Variants in MLIP observed in about 807,000 individuals in gnomAD.
MLIP encodes muscular LMNA interacting protein, also known as muscular LMNA-interacting protein.
In MLIP, 79 loss-of-function variants were observed where a neutral mutation model predicts 84.8. That is an observed-to-expected ratio of 0.93 (90% CI 0.78 to 1.12). The LOEUF is 1.12. Among genes scored for constraint, MLIP ranks in the 50% most tolerant of loss-of-function variants. MLIP has a pLI of 0.00. For synonymous variants in MLIP, 504 were observed against 463.0 expected (o/e 1.09, Z -1.14); for missense variants, 1,257 against 1,160.6 (o/e 1.08, Z -1.21).
intron 1 of MLIP, among the ~76,000 whole-genome samples, chr6:54,085,949 A>G (rs564521181): frequency 1.3e-5 from 2 of 152,328 alleles, no homozygotes; most frequent in South Asian, 4.1e-4. Flanking sequence ...AATTCTGAAG[A>G]AGAAATTTCT....
intron 4 of MLIP, among the ~76,000 whole-genome samples, chr6:54,138,638 A>G (rs1772036961): frequency 6.6e-6 from 1 of 152,154 alleles, no homozygotes; most frequent in Non-Finnish European, 1.5e-5. Flanking sequence ...GGACTATGAT[A>G]TGTTTCTGAT....
chr6:54,213,136 A>G (rs1182071007), intron 11 of MLIP, among the ~76,000 whole-genome samples: 1 of 152,212 alleles, frequency 6.6e-6, no homozygotes, highest in Non-Finnish European at 1.5e-5. Flanking sequence ...TTTGGGGATA[A>G]CTTTTGCCTT....
intron 11 of MLIP, among the ~76,000 whole-genome samples, chr6:54,213,560 G>T (rs561876370): frequency 6.6e-6 from 1 of 151,918 alleles, no homozygotes; most frequent in South Asian, 2.1e-4. Context: ...AAATTAGCCA[G>T]GCATGGTGGT....
chr6:54,234,724 C>G (rs563154652), intron 12 of MLIP, among the ~76,000 whole-genome samples: 4 of 152,298 alleles, frequency 2.6e-5, no homozygotes, highest in African/African-American at 7.2e-5. Context: ...AGCTGAATTT[C>G]CTGACACAGT....
At chr6:54,175,821 G>A (rs1776225755) in intron 9 of MLIP, among the ~76,000 whole-genome samples, 1 of 151,940 alleles carries the variant, frequency 6.6e-6, no homozygotes, top group South Asian at 2.1e-4. Flanking sequence ...GATCTTAAAA[G>A]AAAAGCTTTC....
rs534115132 is a variant in MLIP, at chr6:54,149,993, A to AT, written c.2289+873dup. On this transcript the variant is annotated intron_variant, in intron 5 of 13. Coordinates refer to ENST00000502396, the MANE Select transcript of MLIP (RefSeq NM_001281747.2). ...ATTTATTTCTCAATGCACTAAGTCC[A>AT]TTTTTTTCTGTGTAATTATGGTGTT... is the stretch of plus-strand genomic sequence containing the variant. Among the ~76,000 whole-genome samples the AT allele has an allele frequency of 2.7e-3, 406 of 152,126 alleles. 2 individuals carry two copies. Among genetic ancestry groups the AT allele is most frequent in the Non-Finnish European group, 4.4e-3 (301 of 67,968 alleles).
At chr6:54,035,989 A>AT (rs1316870395) in intron 1 of MLIP, among the ~76,000 whole-genome samples, 7 of 151,646 alleles carry the variant, frequency 4.6e-5, no homozygotes, top group South Asian at 2.1e-4. Flanking sequence ...CCAGTTTACC[A>AT]TTTTTTTTCT....
intron 9 of MLIP, among the ~76,000 whole-genome samples, chr6:54,179,823 G>A (rs1776668859): frequency 6.6e-6 from 1 of 151,944 alleles, no homozygotes; most frequent in Non-Finnish European, 1.5e-5. Flanking sequence ...CTACTTAAAA[G>A]CAGTTTACAT....
At chr6:54,172,932 T>C (rs1162399394) in intron 9 of MLIP, among the ~76,000 whole-genome samples, 1 of 151,812 alleles carries the variant, frequency 6.6e-6, no homozygotes, top group Admixed American at 6.6e-5. Context: ...TGAGATTCTT[T>C]TAAGTGTAAT....
intron 11 of MLIP, among the ~76,000 whole-genome samples, chr6:54,202,501 G>A (rs529294287): frequency 2.3e-4 from 34 of 149,122 alleles, no homozygotes; most frequent in African/African-American, 7.7e-4. Flanking sequence ...TCTATCTAGT[G>A]CTGGTATTGT....
At chr6:54,171,575 G>A (rs12192889) in intron 9 of MLIP, among the ~76,000 whole-genome samples, 1,649 of 151,602 alleles carry the variant, frequency 0.011, 13 homozygotes, top group Non-Finnish European at 0.017. Context: ...ACTAAGTGAT[G>A]TCTGATACAT....
At chr6:54,219,078 C>T (rs1031179411) in intron 11 of MLIP, among the ~76,000 whole-genome samples, 3 of 151,380 alleles carry the variant, frequency 2.0e-5, no homozygotes, top group Admixed American at 6.6e-5. Context: ...TGGTGGCGGG[C>T]GCCTGTAGTC....
intron 9 of MLIP, among the ~76,000 whole-genome samples, chr6:54,176,239 A>G (rs1056626607): frequency 1.3e-5 from 2 of 149,300 alleles, no homozygotes; most frequent in African/African-American, 4.9e-5. Flanking sequence ...TACTGGTCTC[A>G]TTATAGAATG....
intron 13 of MLIP, among the ~76,000 whole-genome samples, 177 bp downstream of exon 13, chr6:54,257,538 T>C (rs902360597): frequency 1.3e-5 from 2 of 152,142 alleles, no homozygotes; most frequent in Non-Finnish European, 2.9e-5. Flanking sequence ...AGTAAATTCT[T>C]GCTGCCTCTC....
At chr6:54,111,895 T>C (rs1472837836) in intron 1 of MLIP, among the ~76,000 whole-genome samples, 3 of 152,118 alleles carry the variant, frequency 2.0e-5, no homozygotes, top group Non-Finnish European at 4.4e-5. Context: ...TAGGGAAATA[T>C]AAGAAAGGAA....
intron 1 of MLIP, among the ~76,000 whole-genome samples, chr6:54,043,178 G>A (rs567136010): frequency 6.6e-6 from 1 of 152,292 alleles, no homozygotes; most frequent in African/African-American, 2.4e-5. Context: ...GTGGGAACAA[G>A]TTCTCCCAAA....
intron 8 of MLIP, among the ~76,000 whole-genome samples, chr6:54,168,621 A>G (rs1444362484): frequency 6.6e-6 from 1 of 151,900 alleles, no homozygotes; most frequent in Non-Finnish European, 1.5e-5. Context: ...TAGATACACA[A>G]ATATGTATTG....
At chr6:54,133,304 G>C (rs1366995110) in intron 3 of MLIP, among the ~76,000 whole-genome samples, 1 of 152,116 alleles carries the variant, frequency 6.6e-6, no homozygotes, top group East Asian at 1.9e-4. Flanking sequence ...AATGTGTTCA[G>C]GTAAGAAAGG....
Position 54,035,293 on chromosome 6 carries a change from C to A in MLIP, c.63+16202C>A, listed in dbSNP as rs937292364. Among the ~76,000 whole-genome samples, 8 of 152,118 alleles carry A rather than the reference C, an allele frequency of 5.3e-5. 1 individual carries two copies. Among genetic ancestry groups the A allele is most frequent in the Non-Finnish European group, 1.2e-4 (8 of 67,994 alleles). ...AGTTAGTCCAAGTTGTGAGGATCCA[C>A]AGTTTCTTTTTGTTTCTGAGTATTA... On this transcript the variant is annotated intron_variant, in intron 1 of 12. Coordinates refer to the MLIP transcript ENST00000274897.
Sources: allele counts gnomAD v4.1 joint callset (sites outside exome capture counted in the v4.1 genomes callset), GRCh38; gene constraint gnomAD v4.1.1; transcripts MANE v1.5; gene names NCBI Gene and HGNC (gene_info 2026-07-23, HGNC 2026-07-21).